Variants in ASAH2 observed in about 807,000 individuals in gnomAD.
ASAH2 encodes the protein N-acylsphingosine amidohydrolase 2.
A neutral mutation model predicts 82.9 loss-of-function variants in ASAH2; 58 were observed. The ratio of observed to expected loss-of-function variants is 0.70; its 90% CI spans 0.57 to 0.87. The LOEUF is 0.87. ASAH2 is among the 40% of genes least tolerant of loss of function. The pLI is 0.00. For missense variants in ASAH2, 779 were observed against 834.0 expected (o/e 0.93, Z 0.81); for synonymous variants, 276 against 289.7 (o/e 0.95, Z 0.48).
rs564149865 is a variant in ASAH2 at position 50,243,083 on chromosome 10, T to C, written c.510+119A>G. ...GCTATATTGTCCAGAGCGTATAATATTGAAGGTAATAGAATTTCACTGAAT... is the reference window on the plus strand; with the variant it reads ...GCTATATTGTCCAGAGCGTATAATACTGAAGGTAATAGAATTTCACTGAAT... On this transcript the variant is annotated intron_variant, in intron 4 of 20. Transcript: ENST00000682911. 12 of 1,155,258 alleles carry C rather than the reference T, an allele frequency of 1.0e-5. No individual in the cohort carries two copies. The African/African-American group carries it at 1.7e-4, about 16-fold the overall frequency. The allele number at this position is 1,155,258 out of a possible 1,614,324, so 71.6% of individuals were successfully genotyped here.
chr10:50,207,715 G>T (rs1371104045), intron 12 of ASAH2, among the ~76,000 whole-genome samples: 4 of 150,852 alleles, frequency 2.7e-5, no homozygotes, highest in Admixed American at 1.3e-4. Flanking sequence ...GAGCCAGATT[G>T]CTTTACTGCT....
intron 7 of ASAH2, among the ~76,000 whole-genome samples, chr10:50,221,639 G>A (rs182951476): frequency 0.022 from 3,289 of 147,436 alleles, 132 homozygotes; most frequent in African/African-American, 0.082. Flanking sequence ...GTATGTGTGT[G>A]TGTGTGTGTG....
chr10:50,224,713 A>G (rs1204170540), intron 7 of ASAH2, among the ~76,000 whole-genome samples: 6 of 152,178 alleles, frequency 3.9e-5, no homozygotes, highest in African/African-American at 9.7e-5. Flanking sequence ...TTCACATTCT[A>G]TCTTGTGTGG....
At chr10:50,239,560 G>A (rs1846241250) in intron 4 of ASAH2, among the ~76,000 whole-genome samples, 1 of 152,240 alleles carries the variant, frequency 6.6e-6, no homozygotes, top group East Asian at 1.9e-4. Context: ...TAGTAGAAAT[G>A]AGCATGAATT....
At chr10:50,233,285 C>G in intron 6 of ASAH2, 24 bp from the exon 7 acceptor site, 1 of 1,531,660 alleles carries the variant, frequency 6.5e-7, no homozygotes, top group Non-Finnish European at 9.0e-7. Context: ...CAGAAAAGCA[C>G]AGTCAGTTCT....
At position 50,235,973 on chromosome 10, in the gene ASAH2, C is replaced by A. The variant is rs2133226370; in HGVS notation, c.602G>T (p.Gly201Val). Residue 201 changes from glycine (G) to valine (V), a missense_variant, in exon 5 of 21, where the codon GGA becomes GTA. This residue lies in a region of ASAH2 where 759 missense variants were observed against 755.2 expected (regional missense o/e 1.00). Coordinates refer to ENST00000682911, the MANE Select transcript of ASAH2 (RefSeq NM_019893.4). ...SGTHTHSGPA[G>V]YFQYTVFVIA... ...TACAAACACGGTATACTGGAAATAT[C>A]CTGCAGGACCTGAATGAGTGTGAGT... 1.2e-6 allele frequency: 2 copies of A among 1,613,346 alleles called. No homozygotes were observed. Among genetic ancestry groups the A allele is most frequent in the East Asian group, 4.5e-5 (2 of 44,870 alleles).
In ASAH2 at chr10:50,204,842, A is replaced by G; in HGVS notation, c.1625+19T>C. On this transcript the variant is annotated intron_variant, in intron 14 of 20. Coordinates refer to ENST00000682911, the MANE Select transcript of ASAH2 (RefSeq NM_019893.4). ...ACAACAAACACATTTTTAACTAAGT[A>G]ATAAAAAGAAAAACTTACGTAAACT... 6.5e-7 allele frequency: 1 copy of G among 1,548,504 alleles called. No individual in the cohort carries two copies. The highest frequency in any genetic ancestry group is 8.9e-7 in the Non-Finnish European group (1 of 1,125,752).
intron 2 of ASAH2, among the ~76,000 whole-genome samples, 170 bp from the exon 3 acceptor site, chr10:50,245,624 A>C (rs552646578): frequency 8.5e-4 from 129 of 152,292 alleles, no homozygotes; most frequent in Middle Eastern, 3.4e-3. Context: ...AAAAATCATA[A>C]TCCTAAACAG....
At chr10:50,198,601 T>A (rs1845054455) in intron 17 of ASAH2, among the ~76,000 whole-genome samples, 1 of 151,882 alleles carries the variant, frequency 6.6e-6, no homozygotes, top group Non-Finnish European at 1.5e-5. Context: ...AAAATGGGCA[T>A]CCTAGAATGC....
chr10:50,213,478 T>C (rs1331781136), intron 9 of ASAH2, among the ~76,000 whole-genome samples: 1 of 152,138 alleles, frequency 6.6e-6, no homozygotes. Flanking sequence ...GCTGGACTTC[T>C]GGGGAAAAAA....
At chr10:50,214,973 C>T in intron 8 of ASAH2, 105 bp from the exon 9 acceptor site, 4 of 1,375,122 alleles carry the variant, frequency 2.9e-6, no homozygotes, top group Non-Finnish European at 4.0e-6. Flanking sequence ...TATTCAAAAT[C>T]ATTTGCAGGC....
chr10:50,238,162 A>G (rs1317265434), intron 4 of ASAH2, among the ~76,000 whole-genome samples: 6 of 152,138 alleles, frequency 3.9e-5, no homozygotes, highest in Admixed American at 3.9e-4. Flanking sequence ...GCCAGCTCAC[A>G]ATGTTTCTGA....
rs1163497472 is a variant in ASAH2 at position 50,205,999 on chromosome 10, G to A, written c.1513C>T (p.Leu505Phe). 2 of 1,611,908 alleles carry A rather than the reference G, an allele frequency of 1.2e-6. No homozygotes were observed. The highest frequency in any genetic ancestry group is 1.7e-6 in the Non-Finnish European group (2 of 1,178,386). Reference sequence around the variant, plus strand: ...TGCATTACTTCTCCGGTGTGAAGAAGGATGGGCTTTGGTTTATGACATTCT... The same window carrying A: ...TGCATTACTTCTCCGGTGTGAAGAAAGATGGGCTTTGGTTTATGACATTCT... ...IKECHKPKPI[L>F]LHTGELSKPH... is the part of the protein sequence containing the mutation. The change falls in exon 13 of 21, where the codon CTT becomes TTT. Residue 505 changes from leucine (L) to phenylalanine (F), a missense_variant. Coordinates refer to ENST00000682911, the MANE Select transcript of ASAH2 (RefSeq NM_019893.4).
intron 20 of ASAH2, among the ~76,000 whole-genome samples, chr10:50,187,895 G>GTATATATA (rs1316750665): frequency 2.7e-4 from 5 of 18,736 alleles, no homozygotes; most frequent in African/African-American, 3.0e-4. Flanking sequence ...ATGTGTGTGT[G>GTATATATA]TATATATATA....
At chr10:50,240,031 T>C (rs1275238305) in intron 4 of ASAH2, among the ~76,000 whole-genome samples, 2 of 152,008 alleles carry the variant, frequency 1.3e-5, no homozygotes, top group African/African-American at 4.8e-5. Context: ...TTTCACCATG[T>C]TTGCCAGGTT....
At chr10:50,237,616 G>C (rs947541758) in intron 4 of ASAH2, among the ~76,000 whole-genome samples, 1 of 152,170 alleles carries the variant, frequency 6.6e-6, no homozygotes, top group Non-Finnish European at 1.5e-5. Flanking sequence ...TAAATGTTTA[G>C]TGAATGAGTT....
At chr10:50,247,671 C>A (rs1302499924) in intron 2 of ASAH2, among the ~76,000 whole-genome samples, 1 of 152,012 alleles carries the variant, frequency 6.6e-6, no homozygotes, top group Admixed American at 6.6e-5. Flanking sequence ...GGCCTAAGGC[C>A]AGCCCTGTCT....
At chr10:50,232,291 A>G (rs1207067271) in intron 7 of ASAH2, among the ~76,000 whole-genome samples, 12 of 152,150 alleles carry the variant, frequency 7.9e-5, no homozygotes, top group African/African-American at 2.9e-4. Flanking sequence ...TCAACATTTT[A>G]AATACTTACT....
intron 1 of ASAH2, among the ~76,000 whole-genome samples, chr10:50,250,321 A>ACT (rs1282246139): frequency 6.6e-6 from 1 of 152,214 alleles, no homozygotes; most frequent in Non-Finnish European, 1.5e-5. Context: ...GGTAGGCTGA[A>ACT]CTGGGAGTGG....
Sources: allele counts gnomAD v4.1 joint callset (sites outside exome capture counted in the v4.1 genomes callset), GRCh38; gene constraint gnomAD v4.1.1; regional missense constraint gnomAD v4.1.1; transcripts MANE v1.5; gene names NCBI Gene and HGNC (gene_info 2026-07-23, HGNC 2026-07-21).